Variants in RASGEF1A observed in about 807,000 individuals in gnomAD.
RASGEF1A encodes ras-GEF domain-containing family member 1A.
In RASGEF1A, 18 loss-of-function variants were observed where a neutral mutation model predicts 56.4. The ratio of observed to expected loss-of-function variants is 0.32; its 90% confidence interval spans 0.22 to 0.47. The LOEUF is 0.47. Among genes scored for constraint, RASGEF1A ranks in the 20% least tolerant of loss-of-function variants. The probability of loss-of-function intolerance (pLI) is 1.00; values close to 1 mark genes in which losing one functional copy is unlikely to be tolerated. For synonymous variants in RASGEF1A, 245 were observed against 242.6 expected (o/e 1.01, Z -0.09); for missense variants, 422 against 627.1 (o/e 0.67, Z 3.49).
intron 1 of RASGEF1A, among the ~76,000 whole-genome samples, chr10:43,236,984 T>C (rs561862264): frequency 1.2e-4 from 18 of 151,914 alleles, no homozygotes; most frequent in Admixed American, 3.9e-4. Context: ...CAGGCTGGCC[T>C]TGTAGGGGGT....
Position 43,201,804 on chromosome 10 carries a change from T to C in RASGEF1A, c.459+4A>G. The C allele has an allele frequency of 1.9e-6, 3 of 1,580,028 alleles. No individual in the cohort carries two copies. Among genetic ancestry groups the C allele is most frequent in the Non-Finnish European group, 2.6e-6 (3 of 1,155,606 alleles). Reference sequence around the variant, plus strand: ...ACCCTGGCCAGAGCCCAGGGAGCACTCACCTCATCACACTGGGTGACACGG... The same window carrying C: ...ACCCTGGCCAGAGCCCAGGGAGCACCCACCTCATCACACTGGGTGACACGG... On this transcript the variant is annotated splice_donor_region_variant and intron_variant, in intron 4 of 12. Transcript: ENST00000395810.
At chr10:43,261,650 C>A (rs1186972583) in intron 1 of RASGEF1A, among the ~76,000 whole-genome samples, 1 of 152,218 alleles carries the variant, frequency 6.6e-6, no homozygotes, top group Non-Finnish European at 1.5e-5. Flanking sequence ...CTCACCCTGC[C>A]TCCAGCCCAC....
chr10:43,248,758 T>C (rs1200832911), intron 1 of RASGEF1A, among the ~76,000 whole-genome samples: 1 of 152,212 alleles, frequency 6.6e-6, no homozygotes, highest in East Asian at 1.9e-4. Flanking sequence ...TAGGTAATGG[T>C]ATTCATTCAT....
chr10:43,200,020 A>G (rs951488468), intron 6 of RASGEF1A, among the ~76,000 whole-genome samples, 162 bp downstream of exon 6: 2 of 152,200 alleles, frequency 1.3e-5, no homozygotes, highest in Non-Finnish European at 2.9e-5. Flanking sequence ...TGCCTCTTGA[A>G]GCAGGTGCTA....
chr10:43,214,931 G>C (rs1157321006), intron 1 of RASGEF1A, among the ~76,000 whole-genome samples: 1 of 152,186 alleles, frequency 6.6e-6, no homozygotes, highest in Non-Finnish European at 1.5e-5. Flanking sequence ...TCAGCTCACA[G>C]GACCCAAGAG....
At chr10:43,230,066 C>CG (rs1840343458) in intron 1 of RASGEF1A, among the ~76,000 whole-genome samples, 1 of 151,578 alleles carries the variant, frequency 6.6e-6, no homozygotes. Context: ...TGCTGGCGCG[C>CG]GGGGCCGGCG....
chr10:43,202,052 G>T, intron 3 of RASGEF1A, 107 bp from the exon 4 acceptor site: 1 of 1,246,038 alleles, frequency 8.0e-7, no homozygotes, highest in Admixed American at 2.8e-5. Flanking sequence ...CAGGCCCTGT[G>T]CTGGGCACAG....
rs140531157 is a variant in RASGEF1A at position 43,258,933 on chromosome 10, C to T, written c.-7+7912G>A. ...GCTGCAGCAGGGGCTGATGTGCAGGCCCCAGACTCCCCGGCCAGTGCTCCC... is the reference window on the plus strand; with the variant it reads ...GCTGCAGCAGGGGCTGATGTGCAGGTCCCAGACTCCCCGGCCAGTGCTCCC... On this transcript the variant is annotated intron_variant, in intron 1 of 12. Coordinates refer to ENST00000395810, the MANE Select transcript of RASGEF1A (RefSeq NM_145313.4). Among the ~76,000 whole-genome samples, 1,244 of 152,336 alleles carry T rather than the reference C, an allele frequency of 8.2e-3. 7 individuals are homozygous for T. The highest frequency in any genetic ancestry group is 0.013 in the Non-Finnish European group (904 of 68,020).
intron 1 of RASGEF1A, among the ~76,000 whole-genome samples, chr10:43,232,199 T>C (rs1490512063): frequency 2.0e-5 from 3 of 152,214 alleles, no homozygotes; most frequent in East Asian, 1.9e-4. Context: ...GATTGGATCA[T>C]GGGGGCGGAG....
intron 1 of RASGEF1A, among the ~76,000 whole-genome samples, chr10:43,243,375 C>T (rs1029292316): frequency 8.6e-5 from 13 of 151,402 alleles, no homozygotes; most frequent in African/African-American, 2.4e-4. Context: ...CCAGCTGCCC[C>T]GTCCGGGAGG....
At chr10:43,243,129 G>A (rs887919601) in intron 1 of RASGEF1A, among the ~76,000 whole-genome samples, 35 of 146,562 alleles carry the variant, frequency 2.4e-4, no homozygotes, top group South Asian at 4.4e-4. Flanking sequence ...TGTGAGGAGC[G>A]CCTCGGCCTG....
chr10:43,250,646 G>C (rs995351368), intron 1 of RASGEF1A, among the ~76,000 whole-genome samples: 2 of 152,174 alleles, frequency 1.3e-5, no homozygotes, highest in Admixed American at 1.3e-4. Flanking sequence ...AGGGGAAGGG[G>C]GGGGTCAGGC....
chr10:43,198,287 C>T (rs1839833570), intron 9 of RASGEF1A, 92 bp from the exon 10 acceptor site: 1 of 1,163,792 alleles, frequency 8.6e-7, no homozygotes, highest in Non-Finnish European at 1.2e-6. Flanking sequence ...AGGCAGCAGA[C>T]AGAGAAGGCA....
intron 1 of RASGEF1A, among the ~76,000 whole-genome samples, chr10:43,247,233 G>A (rs1461257133): frequency 6.6e-6 from 1 of 152,212 alleles, no homozygotes; most frequent in African/African-American, 2.4e-5. Context: ...ATCTACTGGG[G>A]TGGATATAAT....
At chr10:43,219,258 G>T (rs1378785545) in intron 1 of RASGEF1A, among the ~76,000 whole-genome samples, 1 of 152,234 alleles carries the variant, frequency 6.6e-6, no homozygotes, top group Non-Finnish European at 1.5e-5. Context: ...AGATGGGTGG[G>T]CAGCCCTGTG....
In RASGEF1A at chr10:43,196,274, G is replaced by C. The variant is rs1376214921; in HGVS notation, c.1422-6C>G. 7 of 1,613,428 alleles carry C rather than the reference G, an allele frequency of 4.3e-6. No individual in the cohort carries two copies. The highest frequency in any genetic ancestry group is 2.2e-5 in the East Asian group (1 of 44,854). The stretch of plus-strand genomic sequence containing the variant: ...CTCTGTTCAGAAGGGTGGTCCTAGA[G>C]GGGGACAGGACAAGCAGTGCTCAGG... On this transcript the variant is annotated splice_polypyrimidine_tract_variant and splice_region_variant and intron_variant, in intron 12 of 12. Transcript: ENST00000395810. This position sits in a 1 kb window ranked among gnomAD's most constrained non-coding sequence, Gnocchi z 4.6.
chr10:43,200,628 C>T (rs768084549), intron 5 of RASGEF1A, 39 bp downstream of exon 5: 1 of 1,565,300 alleles, frequency 6.4e-7, no homozygotes, highest in Non-Finnish European at 8.7e-7. Context: ...TGTGGTCCCA[C>T]AGCCCCCACC....
At chr10:43,240,050 C>CT (rs1255780999) in intron 1 of RASGEF1A, among the ~76,000 whole-genome samples, 1 of 152,168 alleles carries the variant, frequency 6.6e-6, no homozygotes, top group Non-Finnish European at 1.5e-5. Context: ...TTGGGAAACC[C>CT]TAAGCACTCA....
intron 3 of RASGEF1A, 100 bp from the exon 4 acceptor site, chr10:43,202,045 G>T (rs879754953): frequency 3.0e-6 from 4 of 1,323,092 alleles, no homozygotes; most frequent in Non-Finnish European, 4.1e-6. Context: ...CACACCCCAG[G>T]CCCTGTGCTG....
Sources: allele counts gnomAD v4.1 joint callset (sites outside exome capture counted in the v4.1 genomes callset), GRCh38; gene constraint gnomAD v4.1.1; non-coding constraint Gnocchi (gnomAD v3.1); transcripts MANE v1.5; gene names NCBI Gene and HGNC (gene_info 2026-07-23, HGNC 2026-07-21).